Variants in TMEM181 observed in about 807,000 individuals in gnomAD.
TMEM181 encodes the protein transmembrane protein 181.
In TMEM181, 39 loss-of-function variants were observed where a neutral mutation model predicts 71.9. The ratio of observed to expected loss-of-function variants is 0.54; its 90% CI spans 0.42 to 0.71. TMEM181 has a LOEUF of 0.71. Ranked by LOEUF, TMEM181 falls within the 30% of genes least tolerant of loss-of-function variation. The pLI, the probability that TMEM181 is intolerant of heterozygous loss-of-function variation, is 0.00. For missense variants in TMEM181, 595 were observed against 583.0 expected (o/e 1.02, Z -0.21); for synonymous variants, 245 against 228.8 (o/e 1.07, Z -0.64).
intron 1 of TMEM181, among the ~76,000 whole-genome samples, chr6:158,550,793 A>T (rs1268073539): frequency 2.0e-5 from 3 of 152,028 alleles, no homozygotes; most frequent in African/African-American, 7.2e-5. Flanking sequence ...TCTACAGGCA[A>T]ATAACTAGAA....
chr6:158,626,770 A>G, intron 13 of TMEM181: 2 of 425,638 alleles, frequency 4.7e-6, no homozygotes, highest in South Asian at 3.2e-5. Flanking sequence ...CCTCACATAG[A>G]GGCTCACTCA....
chr6:158,545,598 A>C (rs1781502264), intron 1 of TMEM181, among the ~76,000 whole-genome samples: 1 of 150,950 alleles, frequency 6.6e-6, no homozygotes, highest in African/African-American at 2.4e-5. Flanking sequence ...GGCATGAAGG[A>C]ACCGGACAGA....
At chr6:158,553,165 G>T (rs890739291) in intron 1 of TMEM181, among the ~76,000 whole-genome samples, 1 of 149,162 alleles carries the variant, frequency 6.7e-6, no homozygotes, top group Non-Finnish European at 1.5e-5. Flanking sequence ...TCCAGCCTGG[G>T]CGACAGAGAG....
chr6:158,614,308 A>G (rs1037892693), intron 10 of TMEM181, among the ~76,000 whole-genome samples: 3 of 152,196 alleles, frequency 2.0e-5, no homozygotes, highest in Non-Finnish European at 4.4e-5. Flanking sequence ...GATTACCATT[A>G]AGTTTTTGCT....
At chr6:158,616,813 C>T (rs1583041119) in intron 10 of TMEM181, among the ~76,000 whole-genome samples, 1 of 152,252 alleles carries the variant, frequency 6.6e-6, no homozygotes, top group South Asian at 2.1e-4. Flanking sequence ...GTTGAACCAG[C>T]CTTGCATCCC....
chr6:158,611,073 G>A (rs1192453617), intron 10 of TMEM181: 4 of 470,890 alleles, frequency 8.5e-6, no homozygotes, highest in Non-Finnish European at 1.7e-5. Context: ...TCGAGGGGTG[G>A]AGAGCATTTG....
At position 158,608,785 on chromosome 6, in the gene TMEM181, T is replaced by C. The variant is rs895754288; in HGVS notation, c.896+35T>C. 9.2e-5 allele frequency: 146 copies of C among 1,591,576 alleles called. No homozygotes were observed. The Admixed American group carries it at 2.6e-3, about 28-fold the overall frequency. The stretch of plus-strand genomic sequence containing the variant: ...TCTATTATGTGTGAAACTTCAGTCA[T>C]GAAAAGCATTTGACAAAAGTGGAAA... On this transcript the variant is annotated intron_variant, in intron 10 of 16. Transcript: ENST00000684151.
chr6:158,621,057 T>TC (rs1338966068), intron 10 of TMEM181, among the ~76,000 whole-genome samples: 1 of 152,128 alleles, frequency 6.6e-6, no homozygotes, highest in East Asian at 1.9e-4. Flanking sequence ...TTGTGTCTGT[T>TC]CCCCATACAT....
chr6:158,560,277 C>G (rs1782080751), intron 1 of TMEM181, 45 bp downstream of exon 1: 1 of 985,234 alleles, frequency 1.0e-6, no homozygotes, highest in African/African-American at 1.7e-5. Flanking sequence ...TCTCCGGACA[C>G]TCCGGCCGAA....
intron 10 of TMEM181, among the ~76,000 whole-genome samples, chr6:158,613,634 A>G (rs1459136676): frequency 3.9e-5 from 6 of 152,158 alleles, no homozygotes; most frequent in Admixed American, 3.9e-4. Context: ...TTGGCTTCCT[A>G]AGTCAAGTTC....
chr6:158,565,519 G>C (rs575051352), intron 1 of TMEM181, among the ~76,000 whole-genome samples: 2 of 152,364 alleles, frequency 1.3e-5, no homozygotes, highest in South Asian at 4.1e-4. Flanking sequence ...GCCACAGACA[G>C]CAGGAAGAGA....
upstream of TMEM181, among the ~76,000 whole-genome samples, chr6:158,559,860 C>G (rs1413618490): frequency 6.6e-6 from 1 of 152,250 alleles, no homozygotes; most frequent in Non-Finnish European, 1.5e-5. Context: ...TGTTTACCTG[C>G]CCTAGGGACA....
intron 7 of TMEM181, among the ~76,000 whole-genome samples, chr6:158,606,353 C>T (rs1029801835): frequency 2.0e-5 from 3 of 152,224 alleles, no homozygotes; most frequent in Non-Finnish European, 2.9e-5. Flanking sequence ...TCAGGGCTCC[C>T]GCAGTGAGCT....
At chr6:158,556,824 G>A (rs1477301228), upstream of TMEM181, among the ~76,000 whole-genome samples, 2 of 152,028 alleles carry the variant, frequency 1.3e-5, no homozygotes, top group Admixed American at 6.5e-5. Context: ...GTGCAGTGAC[G>A]CCATCTTGGC....
At chr6:158,628,864 C>G (rs555929394) in intron 14 of TMEM181, among the ~76,000 whole-genome samples, 1 of 152,232 alleles carries the variant, frequency 6.6e-6, no homozygotes, top group East Asian at 1.9e-4. Context: ...CGCGGGGCTC[C>G]AAGCCCCTAC....
In TMEM181 at chr6:158,549,819, T is replaced by C. The variant is rs541674472; in HGVS notation, c.131+12954T>C. On this transcript the variant is annotated intron_variant, in intron 1 of 16. Transcript: ENST00000367090. ...TGTTGTTGCAGGAGTATTTTTTGTA[T>C]GTAAGGTGGTGACGGCCTTTATGCA... Among the ~76,000 whole-genome samples the C allele has an allele frequency of 3.7e-3, 559 of 152,314 alleles. 3 individuals are homozygous for C. Among genetic ancestry groups the C allele is most frequent in the African/African-American group, 0.013 (525 of 41,566 alleles).
At chr6:158,594,141 C>T (rs1784263827) in intron 6 of TMEM181, among the ~76,000 whole-genome samples, 1 of 145,686 alleles carries the variant, frequency 6.9e-6, no homozygotes, top group Non-Finnish European at 1.5e-5. Context: ...GTCTGTTGCC[C>T]AGGCTGGAGT....
chr6:158,557,608 C>A (rs191639463), upstream of TMEM181, among the ~76,000 whole-genome samples: 925 of 152,192 alleles, frequency 6.1e-3, 14 homozygotes, highest in African/African-American at 0.021. Context: ...AGCTCCACCC[C>A]CTGGGTTTAA....
At chr6:158,627,338 C>A (rs1786375966) in intron 13 of TMEM181, among the ~76,000 whole-genome samples, 1 of 152,226 alleles carries the variant, frequency 6.6e-6, no homozygotes, top group African/African-American at 2.4e-5. Context: ...ATTTATCCTA[C>A]AAATAGTTAC....
Sources: gnomAD v4.1 joint callset for allele counts (sites outside exome capture counted in the v4.1 genomes callset) on GRCh38, gnomAD v4.1.1 for gene constraint, MANE v1.5 for transcripts, NCBI Gene and HGNC (gene_info 2026-07-23, HGNC 2026-07-21) for gene names.